The following SLC15A4 variants were observed in gnomAD, a reference collection of about 807,000 sequenced individuals.
SLC15A4 encodes the protein hPHT1.
In SLC15A4, 26 loss-of-function variants were observed where a neutral mutation model predicts 46.1. That is an observed-to-expected ratio of 0.56 (90% CI 0.41 to 0.78). The LOEUF (loss-of-function observed/expected upper bound fraction) is 0.78, where lower values mean the gene tolerates loss of function less well. Among genes scored for constraint, SLC15A4 ranks in the 30% least tolerant of loss-of-function variants. The probability of loss-of-function intolerance (pLI) is 0.00; values close to 1 mark genes in which losing one functional copy is unlikely to be tolerated. For missense variants in SLC15A4, 751 were observed against 755.7 expected (o/e 0.99, Z 0.07); for synonymous variants, 370 against 333.4 (o/e 1.11, Z -1.20).
In SLC15A4 at chr12:128,799,286, CGATGGCTTTGAT is replaced by C. The variant is rs746100519; in HGVS notation, c.1534_1545del (p.Ile512_Ile515del). 1 of 1,614,092 alleles carries C rather than the reference CGATGGCTTTGAT, an allele frequency of 6.2e-7. No individual in the cohort carries two copies. Among genetic ancestry groups the C allele is most frequent in the Non-Finnish European group, 8.5e-7 (1 of 1,180,032 alleles). On this transcript the variant is annotated inframe_deletion, in exon 7 of 8. Coordinates refer to ENST00000266771, the MANE Select transcript of SLC15A4 (RefSeq NM_145648.4). ...AAGTCTGTGTGACTGCTCATCCATCCGATGGCTTTGATAGACACCAGTGCCAGCAGTCCAGAA... is the reference window on the plus strand; with the variant it reads ...AAGTCTGTGTGACTGCTCATCCATCCAGACACCAGTGCCAGCAGTCCAGAA...
chr12:128,823,311 C>CAGAGGCAGGGACTGGGGCAGGGGA, intron 1 of SLC15A4, 87 bp downstream of exon 1: 1 of 1,249,880 alleles, frequency 8.0e-7, no homozygotes, highest in Middle Eastern at 2.9e-4. Context: ...CCTCCGCGGT[C>CAGAGGCAGGGACTGGGGCAGGGGA]AGAGGCAGGG....
At chr12:128,821,806 A>C (rs554361869) in intron 1 of SLC15A4, among the ~76,000 whole-genome samples, 74 of 151,498 alleles carry the variant, frequency 4.9e-4, no homozygotes, top group African/African-American at 1.7e-3. Flanking sequence ...GAATCGCTTG[A>C]ACTCAGGAGG....
intron 5 of SLC15A4, chr12:128,801,642 G>A (rs1391689895): frequency 1.3e-5 from 2 of 152,148 alleles, no homozygotes; most frequent in Non-Finnish European, 2.9e-5. Context: ...AGAAAGACAT[G>A]AGAAAAACAA....
At chr12:128,813,405 T>C (rs1955692726) in intron 2 of SLC15A4, 1 of 152,200 alleles carries the variant, frequency 6.6e-6, no homozygotes, top group Non-Finnish European at 1.5e-5. Context: ...CCACTGGCAT[T>C]TCCAATAGGT....
Position 128,823,661 on chromosome 12 carries a change from G to A in SLC15A4, c.283C>T (p.Leu95=). The A allele has an allele frequency of 2.0e-6, 3 of 1,494,576 alleles. No homozygotes were observed. Among genetic ancestry groups the A allele is most frequent in the Non-Finnish European group, 2.7e-6 (3 of 1,127,558 alleles). 92.6% of individuals were successfully genotyped at this position (1,494,576 alleles called of 1,614,324 possible). ...GCCCGGCCCAGCCGCGCGTCGGCCAGCCAGCCTCCGAACGGCGAGCCCAGG... is the reference window on the plus strand; with the variant it reads ...GCCCGGCCCAGCCGCGCGTCGGCCAACCAGCCTCCGAACGGCGAGCCCAGG... The part of the protein sequence containing the change: ...TYLGSPFGGW[L]ADARLGRARA... The change falls in exon 1 of 8, where the codon CTG becomes TTG. Residue 95 remains leucine (L), a synonymous_variant. Coordinates refer to ENST00000266771, the MANE Select transcript of SLC15A4 (RefSeq NM_145648.4).
At chr12:128,812,028 T>C (rs984716884) in intron 2 of SLC15A4, among the ~76,000 whole-genome samples, 1 of 152,118 alleles carries the variant, frequency 6.6e-6, no homozygotes, top group African/African-American at 2.4e-5. Context: ...TGAGTCTCTG[T>C]GAAGGCCGCA....
At position 128,823,854 on chromosome 12, in the gene SLC15A4, G is replaced by C; in HGVS notation, c.90C>G (p.Phe30Leu). 8.0e-7 allele frequency: 1 copy of C among 1,244,516 alleles called. No individual in the cohort carries two copies. The highest frequency in any genetic ancestry group is 1.0e-6 in the Non-Finnish European group (1 of 977,870). The allele number at this position is 1,244,516 out of a possible 1,614,324, so 77.1% of individuals were successfully genotyped here. A position where few individuals can be genotyped will look rare whatever the true frequency, so the allele number is the denominator to read the frequency against. ...AAAAAAAAGA[F>L]AGRRAACGAV... ...CCCCGCACGCCGCGCGCCGGCCCGCGAACGCCCCAGCCGCCGCCGCGGCCG... is the reference window on the plus strand; with the variant it reads ...CCCCGCACGCCGCGCGCCGGCCCGCCAACGCCCCAGCCGCCGCCGCGGCCG... The change falls in exon 1 of 8, where the codon TTC (phenylalanine) becomes TTG (leucine). Residue 30 changes from phenylalanine (F) to leucine (L), a missense_variant. Physicochemically the swap from Phe to Leu is conservative, Grantham distance 22 (BLOSUM62 0). Coordinates refer to ENST00000266771, the MANE Select transcript of SLC15A4 (RefSeq NM_145648.4).
At position 128,810,056 on chromosome 12, in the gene SLC15A4, T is replaced by C. The variant is rs768411612; in HGVS notation, c.898A>G (p.Lys300Glu). 4.3e-6 allele frequency: 7 copies of C among 1,614,184 alleles called. 1 individual carries two copies. The South Asian group carries it at 6.6e-5, about 15-fold the overall frequency. ...SSKQSLFDSC[K>E]MSHGGPFTEE... ...GTAAATGGCCCACCATGAGACATCTTACATGAATCAAACAGACTTTGTTTA... is the reference window on the plus strand; with the variant it reads ...GTAAATGGCCCACCATGAGACATCTCACATGAATCAAACAGACTTTGTTTA... The change falls in exon 3 of 8, where the codon AAG (lysine) becomes GAG (glutamate). Residue 300 changes from lysine (K) to glutamate (E), a missense_variant. Transcript: ENST00000266771.
At chr12:128,801,105 T>C (rs1163402901) in intron 5 of SLC15A4, 96 bp from the exon 6 acceptor site, 15 of 1,162,458 alleles carry the variant, frequency 1.3e-5, no homozygotes, top group Non-Finnish European at 1.8e-5. Context: ...GTAGCAAACG[T>C]GATTCTGATG....
At chr12:128,797,832 G>A (rs989964686) in intron 7 of SLC15A4, among the ~76,000 whole-genome samples, 3 of 152,328 alleles carry the variant, frequency 2.0e-5, no homozygotes, top group Non-Finnish European at 2.9e-5. Context: ...AGGGCTGCTC[G>A]ACAGATGAGC....
Position 128,808,917 on chromosome 12 carries a change from T to C in SLC15A4, c.1129A>G (p.Ile377Val). ...AWLTMFDAVLILLLIPLKDKL... is the reference protein window; with the variant it reads ...AWLTMFDAVLVLLLIPLKDKL... ...TCCTTCAGAGGGATGAGCAGGAGGA[T>C]GAGCACAGCATCAAACATGGTCAGC... The change falls in exon 5 of 8, where the codon ATC (isoleucine) becomes GTC (valine). Residue 377 changes from isoleucine to valine, a missense_variant. By Grantham distance (29) the Ile-to-Val change is conservative. Transcript: ENST00000266771. 6.2e-7 allele frequency: 1 copy of C among 1,614,196 alleles called. No homozygotes were observed. The highest frequency in any genetic ancestry group is 8.5e-7 in the Non-Finnish European group (1 of 1,180,026).
chr12:128,793,240 A>C lies in SLC15A4; in HGVS notation c.*956T>G, dbSNP rs1345634840. On this transcript the variant is annotated 3_prime_UTR_variant, in exon 8 of 8. Transcript: ENST00000266771. ...TTTTTATAATAAAGTTATGCCAAAA[A>C]TACAGCAACAAATACAGAAAAAGTA... is the stretch of plus-strand genomic sequence containing the variant. 6.6e-6 allele frequency: 1 copy of C among 152,258 alleles called. No homozygotes were observed. Among genetic ancestry groups the C allele is most frequent in the East Asian group, 1.9e-4 (1 of 5,202 alleles). The allele number at this position is 152,258 out of a possible 1,614,324, so 9.4% of individuals were successfully genotyped here. A position where few individuals can be genotyped will look rare whatever the true frequency, so the allele number is the denominator to read the frequency against.
At chr12:128,821,884 CAAA>C (rs10579523) in intron 1 of SLC15A4, among the ~76,000 whole-genome samples, 74,021 of 132,934 alleles carry the variant, frequency 0.56, 19,811 homozygotes, top group Non-Finnish European at 0.6. Flanking sequence ...GACTCCGCCT[CAAA>C]AAAAAAAAAA....
intron 1 of SLC15A4, among the ~76,000 whole-genome samples, chr12:128,823,190 C>T (rs993193160): frequency 1.3e-5 from 2 of 152,086 alleles, no homozygotes; most frequent in African/African-American, 2.4e-5. Flanking sequence ...GACCTCACCC[C>T]GCCCCAGGCA....
intron 1 of SLC15A4, among the ~76,000 whole-genome samples, chr12:128,823,087 C>T (rs1242807919): frequency 1.3e-5 from 2 of 152,208 alleles, no homozygotes; most frequent in Admixed American, 1.3e-4. Context: ...ATCCTCCCGC[C>T]TCGGCCTCCC....
At chr12:128,816,483 T>C in intron 1 of SLC15A4, among the ~76,000 whole-genome samples, 1 of 152,230 alleles carries the variant, frequency 6.6e-6, no homozygotes, top group East Asian at 1.9e-4. Flanking sequence ...ATCTAGTTTC[T>C]GGATCCATAG....
intron 3 of SLC15A4, 42 bp downstream of exon 3, chr12:128,809,901 A>G: frequency 6.3e-7 from 1 of 1,590,084 alleles, no homozygotes; most frequent in African/African-American, 1.3e-5. Context: ...GTAAGACTTC[A>G]TAGGAAGATA....
At chr12:128,803,257 C>T (rs1434400304) in intron 5 of SLC15A4, among the ~76,000 whole-genome samples, 4 of 152,050 alleles carry the variant, frequency 2.6e-5, no homozygotes, top group Non-Finnish European at 5.9e-5. Flanking sequence ...AAGGAGAGGA[C>T]AGGCCAGGAT....
At chr12:128,795,974 C>T (rs1425541778) in intron 7 of SLC15A4, among the ~76,000 whole-genome samples, 2 of 152,374 alleles carry the variant, frequency 1.3e-5, no homozygotes, top group African/African-American at 2.4e-5. Context: ...CCATTTTCTG[C>T]TCCTCTTCAA....
Sources: gnomAD v4.1 joint callset for allele counts (sites outside exome capture counted in the v4.1 genomes callset) on GRCh38, gnomAD v4.1.1 for gene constraint, MANE v1.5 for transcripts, NCBI Gene and HGNC (gene_info 2026-07-23, HGNC 2026-07-21) for gene names.